The following DTWD2 variants were observed in gnomAD, a reference collection of about 807,000 sequenced individuals.
DTWD2 encodes the protein tRNA-uridine aminocarboxypropyltransferase 2.
DTWD2 carries 39 observed loss-of-function variants against 31.8 expected under a neutral mutation model. That is an observed-to-expected ratio of 1.22 (90% confidence interval 0.95 to 1.60). The LOEUF is 1.60. Among genes scored for constraint, DTWD2 ranks in the 40% most tolerant of loss-of-function variants. The pLI, the probability that DTWD2 is intolerant of heterozygous loss-of-function variation, is 0.00. For synonymous variants in DTWD2, 180 were observed against 142.8 expected, an observed-to-expected ratio of 1.26 and a Z score of -1.86; for missense variants, 515 against 381.5, an observed-to-expected ratio of 1.35 and a Z score of -2.92.
intron 4 of DTWD2, among the ~76,000 whole-genome samples, chr5:118,899,927 A>C (rs999649819): frequency 6.7e-6 from 1 of 148,338 alleles, no homozygotes; most frequent in African/African-American, 2.5e-5. Flanking sequence ...TCAGCCTCCC[A>C]AGTAGCTGGC....
rs755475902 is a variant in DTWD2, at chr5:118,839,204, G to C, written c.*1713C>G. On this transcript the variant is annotated 3_prime_UTR_variant, in exon 6 of 6. Transcript: ENST00000510708. Reference sequence around the variant, plus strand: ...ATAATAATGACTAAAAGAAACTCATGAAGTTTAATATCAATGTGAAAAATT... The same window carrying C: ...ATAATAATGACTAAAAGAAACTCATCAAGTTTAATATCAATGTGAAAAATT... 1 of 151,930 alleles carries C rather than the reference G, an allele frequency of 6.6e-6. No individual in the cohort carries two copies. The highest frequency in any genetic ancestry group is 1.5e-5 in the Non-Finnish European group (1 of 67,988). 9.4% of individuals were successfully genotyped at this position (151,930 alleles called of 1,614,324 possible). A position where few individuals can be genotyped will look rare whatever the true frequency, so the allele number is the denominator to read the frequency against.
chr5:118,858,643 CTCTT>C (rs1466857380), intron 4 of DTWD2, among the ~76,000 whole-genome samples: 1 of 152,096 alleles, frequency 6.6e-6, no homozygotes, highest in Non-Finnish European at 1.5e-5. Flanking sequence ...TAGTTCCTTG[CTCTT>C]TTTTTAAAAC....
chr5:118,926,730 G>T (rs1001030895), intron 4 of DTWD2, among the ~76,000 whole-genome samples: 3 of 151,694 alleles, frequency 2.0e-5, no homozygotes, highest in African/African-American at 4.8e-5. Context: ...TTGGAGACAG[G>T]GTCTCTCTCT....
At chr5:118,953,530 T>C (rs1266332057) in intron 1 of DTWD2, among the ~76,000 whole-genome samples, 3 of 152,314 alleles carry the variant, frequency 2.0e-5, no homozygotes, top group Admixed American at 6.5e-5. Flanking sequence ...CTGTATGTGA[T>C]TTAAATGACA....
intron 1 of DTWD2, chr5:118,974,686 G>A (rs1214346973): frequency 2.0e-6 from 1 of 509,228 alleles, no homozygotes; most frequent in Non-Finnish European, 4.0e-6. Context: ...AAGATAAAAG[G>A]TTTCTTTTTT....
At chr5:118,854,757 T>G (rs1263028471) in intron 4 of DTWD2, among the ~76,000 whole-genome samples, 1 of 152,190 alleles carries the variant, frequency 6.6e-6, no homozygotes, top group Non-Finnish European at 1.5e-5. Context: ...TATGGGAAAC[T>G]AGTGTTTCAT....
chr5:118,859,577 T>C (rs1398412383), intron 4 of DTWD2, among the ~76,000 whole-genome samples: 6 of 152,204 alleles, frequency 3.9e-5, no homozygotes, highest in African/African-American at 2.4e-5. Flanking sequence ...ATGTCTTCTT[T>C]GCCCCAGCAC....
intron 4 of DTWD2, among the ~76,000 whole-genome samples, chr5:118,924,774 T>G (rs551326776): frequency 6.6e-6 from 1 of 152,344 alleles, no homozygotes; most frequent in Admixed American, 6.5e-5. Context: ...TTGAGACTAC[T>G]GGCTTTAGCT....
chr5:118,845,403 T>C (rs1301423944), intron 5 of DTWD2, among the ~76,000 whole-genome samples: 1 of 152,350 alleles, frequency 6.6e-6, no homozygotes, highest in Non-Finnish European at 1.5e-5. Context: ...GCTAATTTTT[T>C]TCTCATAACT....
chr5:118,853,764 A>G (rs1054872517), intron 4 of DTWD2, among the ~76,000 whole-genome samples: 1 of 152,194 alleles, frequency 6.6e-6, no homozygotes, highest in African/African-American at 2.4e-5. Context: ...TTGAAAAACT[A>G]CGTATTGGGT....
At position 118,839,220 on chromosome 5, in the gene DTWD2, G is replaced by A. The variant is rs1041381572; in HGVS notation, c.*1697C>T. The stretch of plus-strand genomic sequence containing the variant: ...GAAACTCATGAAGTTTAATATCAAT[G>A]TGAAAAATTACTACAAAATGATTTT... On this transcript the variant is annotated 3_prime_UTR_variant, in exon 6 of 6. Coordinates refer to ENST00000510708, the MANE Select transcript of DTWD2 (RefSeq NM_173666.4). 6.6e-6 allele frequency: 1 copy of A among 151,884 alleles called. No homozygotes were observed. The highest frequency in any genetic ancestry group is 1.5e-5 in the Non-Finnish European group (1 of 67,978). The allele number at this position is 151,884 out of a possible 1,614,324, so 9.4% of individuals were successfully genotyped here.
chr5:118,926,337 G>A (rs1376572098), intron 4 of DTWD2, among the ~76,000 whole-genome samples: 2 of 152,130 alleles, frequency 1.3e-5, no homozygotes, highest in Non-Finnish European at 2.9e-5. Context: ...ACTTATAAGT[G>A]GGAGCTAAGC....
chr5:118,918,826 A>AG (rs1419392894), intron 4 of DTWD2, among the ~76,000 whole-genome samples: 1,845 of 150,890 alleles, frequency 0.012, 36 homozygotes, highest in African/African-American at 0.043. Context: ...TGTCTCTACC[A>AG]GGAAAAAAAA....
intron 1 of DTWD2, among the ~76,000 whole-genome samples, chr5:118,947,145 G>C (rs892186984): frequency 8.5e-5 from 13 of 152,166 alleles, no homozygotes; most frequent in Admixed American, 3.9e-4. Flanking sequence ...GCCAGAGCTA[G>C]CACTGTTGGG....
chr5:118,950,970 G>T (rs931054591), intron 1 of DTWD2, among the ~76,000 whole-genome samples: 2 of 152,098 alleles, frequency 1.3e-5, no homozygotes, highest in African/African-American at 2.4e-5. Flanking sequence ...CGGCCTTCTG[G>T]CCTTTCTGGG....
At chr5:118,861,992 C>G (rs548460425) in intron 4 of DTWD2, among the ~76,000 whole-genome samples, 6 of 152,154 alleles carry the variant, frequency 3.9e-5, no homozygotes, top group Non-Finnish European at 8.8e-5. Context: ...GGCCATGGAC[C>G]GGTACCGTTC....
Position 118,931,263 on chromosome 5 carries a change from C to T in DTWD2, c.405-2534G>A, listed in dbSNP as rs1013110358. ...TTTAAAAATCAGCCAAGCATGGTGG[C>T]GTGCACCTATGGTCCCAGCTACTCG... On this transcript the variant is annotated intron_variant, in intron 3 of 5. Transcript: ENST00000510708. Among the ~76,000 whole-genome samples, 14 of 151,898 alleles carry T rather than the reference C, an allele frequency of 9.2e-5. No individual in the cohort carries two copies. The South Asian group carries it at 1.5e-3, about 16-fold the overall frequency.
intron 1 of DTWD2, among the ~76,000 whole-genome samples, chr5:118,984,524 T>G (rs566130642): frequency 6.6e-6 from 1 of 151,880 alleles, no homozygotes; most frequent in Non-Finnish European, 1.5e-5. Flanking sequence ...TATTATCATA[T>G]ATAAAATATC....
intron 4 of DTWD2, among the ~76,000 whole-genome samples, chr5:118,894,107 C>T (rs1444630115): frequency 6.6e-6 from 1 of 151,834 alleles, no homozygotes; most frequent in African/African-American, 2.4e-5. Flanking sequence ...TATAACATAC[C>T]ACCAGTGTCT....
Sources: allele counts gnomAD v4.1 joint callset (sites outside exome capture counted in the v4.1 genomes callset), GRCh38; gene constraint gnomAD v4.1.1; transcripts MANE v1.5; gene names NCBI Gene and HGNC (gene_info 2026-07-23, HGNC 2026-07-21).